Variants in ACOX3 observed in about 807,000 individuals in gnomAD.
ACOX3 encodes peroxisomal acyl-coenzyme A oxidase 3.
Under a neutral mutation model 81.5 loss-of-function variants are expected in ACOX3, and 73 were observed. That is an observed-to-expected ratio of 0.90 (90% CI 0.74 to 1.09). ACOX3 has a LOEUF of 1.09. Among genes scored for constraint, ACOX3 ranks in the 50% least tolerant of loss-of-function variants. The probability of loss-of-function intolerance (pLI) is 0.00; values close to 1 mark genes in which losing one functional copy is unlikely to be tolerated. For synonymous variants in ACOX3, 387 were observed against 375.1 expected (o/e 1.03, Z -0.37); for missense variants, 947 against 928.0 (o/e 1.02, Z -0.27).
intron 15 of ACOX3, chr4:8,373,974 G>T (rs973717630): frequency 2.8e-5 from 10 of 353,262 alleles, no homozygotes; most frequent in Non-Finnish European, 4.8e-5. Flanking sequence ...TGAGGAAGGG[G>T]CTCCTGGGCA....
rs1717700623 is a variant in ACOX3, at chr4:8,381,902, G to C, written c.1538-295C>G. Among the ~76,000 whole-genome samples the C allele has an allele frequency of 6.6e-6, 1 of 152,268 alleles. No homozygotes were observed. The highest frequency in any genetic ancestry group is 2.1e-4 in the South Asian group (1 of 4,838). On this transcript the variant is annotated intron_variant, in intron 13 of 17. Transcript: ENST00000356406. This position sits in a 1 kb window ranked among gnomAD's most constrained non-coding sequence, Gnocchi z 4.3. Reference sequence around the variant, plus strand: ...ACAGGAACACGGTGCCGCCGCTAGAGTGGGCCCCCGAGTGGGACGGCTGCA... The same window carrying C: ...ACAGGAACACGGTGCCGCCGCTAGACTGGGCCCCCGAGTGGGACGGCTGCA...
At chr4:8,403,695 A>C (rs550136664) in intron 7 of ACOX3, among the ~76,000 whole-genome samples, 3 of 152,352 alleles carry the variant, frequency 2.0e-5, no homozygotes, top group Admixed American at 2.0e-4. Context: ...TTAATCATTA[A>C]TGGTTTGATC....
Position 8,375,045 on chromosome 4 carries a change from C to T in ACOX3, c.1761G>A (p.Val587=). ...QPSVPPSLRA[V]LGRLSALYAL... ...CGTACAGAGCACTGAGCCGCCCCAG[C>T]ACGGCCCGCAGCGAGGGCGGCACGG... Residue 587 remains valine, a synonymous_variant, in exon 15 of 18, where the codon GTG becomes GTA. Coordinates refer to ENST00000356406, the MANE Select transcript of ACOX3 (RefSeq NM_003501.3). 2 of 1,554,938 alleles carry T rather than the reference C, an allele frequency of 1.3e-6. No individual in the cohort carries two copies. The highest frequency in any genetic ancestry group is 1.7e-6 in the Non-Finnish European group (2 of 1,149,078).
At chr4:8,401,378 G>A (rs1004476934) in intron 7 of ACOX3, among the ~76,000 whole-genome samples, 3 of 152,076 alleles carry the variant, frequency 2.0e-5, no homozygotes, top group African/African-American at 4.8e-5. Context: ...CGTTTCCTGC[G>A]TGGGCTCTTC....
chr4:8,413,635 C>A (rs1388552030), intron 5 of ACOX3, among the ~76,000 whole-genome samples: 1 of 151,150 alleles, frequency 6.6e-6, no homozygotes, highest in East Asian at 2.0e-4. Flanking sequence ...TCTCCCTCCA[C>A]CCCTCCACCC....
rs561730048 is a variant in ACOX3, at chr4:8,430,982, C to T, written c.-15+9666G>A. Among the ~76,000 whole-genome samples the T allele has an allele frequency of 1.1e-4, 16 of 152,252 alleles. No individual in the cohort carries two copies. The highest frequency in any genetic ancestry group is 3.4e-4 in the African/African-American group (14 of 41,550). ...CAGGCTAAAGGGGAAGAGCTCAGGG[C>T]ATCTGGTGGCCAGTACAGGTAAAAG... On this transcript the variant is annotated intron_variant, in intron 1 of 17. Transcript: ENST00000356406. This position sits in a 1 kb window ranked among gnomAD's most constrained non-coding sequence, Gnocchi z 5.2.
chr4:8,409,679 TG>T (rs1201939764), intron 6 of ACOX3, among the ~76,000 whole-genome samples: 1 of 145,028 alleles, frequency 6.9e-6, no homozygotes, highest in Non-Finnish European at 1.5e-5. Context: ...GTCTGCACTG[TG>T]GGCAGAGCTG....
rs115136976 is a variant in ACOX3, at chr4:8,379,441, C to T, written c.1653+2051G>A. On this transcript the variant is annotated intron_variant, in intron 14 of 17. Coordinates refer to ENST00000356406, the MANE Select transcript of ACOX3 (RefSeq NM_003501.3). The stretch of plus-strand genomic sequence containing the variant: ...CCTTGGGGCTGGTGTCTGTGGGTGT[C>T]TGTCAGCTCCACAGCTCAGCCCAGG... 9.0e-3 allele frequency among the ~76,000 whole-genome samples: 1,371 copies of T among 152,356 alleles called. 7 individuals are homozygous for T. Among genetic ancestry groups the T allele is most frequent in the Non-Finnish European group, 0.014 (971 of 68,036 alleles).
downstream of ACOX3, among the ~76,000 whole-genome samples, chr4:8,362,687 G>A (rs115119005): frequency 6.6e-6 from 1 of 152,166 alleles, no homozygotes; most frequent in South Asian, 2.1e-4. Flanking sequence ...CCTGACCTGT[G>A]GTAAATGAAG....
chr4:8,395,834 GA>G (rs143240848), intron 9 of ACOX3, among the ~76,000 whole-genome samples: 3,077 of 152,334 alleles, frequency 0.02, 111 homozygotes, highest in African/African-American at 0.07. Flanking sequence ...GATGTGGACA[GA>G]AACAACTGCA....
At chr4:8,404,515 T>C (rs1175107387) in intron 7 of ACOX3, among the ~76,000 whole-genome samples, 4 of 151,790 alleles carry the variant, frequency 2.6e-5, no homozygotes, top group Non-Finnish European at 5.9e-5. Flanking sequence ...AAGTTGACAC[T>C]GTATAAAAAT....
chr4:8,404,482 CA>C (rs1257569230), intron 7 of ACOX3, among the ~76,000 whole-genome samples: 1 of 140,540 alleles, frequency 7.1e-6, no homozygotes, highest in East Asian at 2.2e-4. Flanking sequence ...TGCTTTTTAA[CA>C]ATGTCCTTTT....
At chr4:8,439,415 G>A (rs1724454916) in intron 1 of ACOX3, 1 of 152,130 alleles carries the variant, frequency 6.6e-6, no homozygotes, top group Non-Finnish European at 1.5e-5. Flanking sequence ...CAGCCTAGAC[G>A]TTTCTTCATG....
rs1045263721 is a variant in ACOX3 at position 8,389,343 on chromosome 4, C to T, written c.1424-57G>A. ...AGACAGGAACCCAAACCATTGGGAACCCCAAGCTGGGGGCACCCCAAAGCA... is the reference window on the plus strand; with the variant it reads ...AGACAGGAACCCAAACCATTGGGAATCCCAAGCTGGGGGCACCCCAAAGCA... On this transcript the variant is annotated intron_variant, in intron 12 of 17. Transcript: ENST00000356406. The surrounding 1 kb of genome is among the most constrained non-coding windows in gnomAD (Gnocchi z 5.3). The T allele has an allele frequency of 1.2e-5, 18 of 1,532,130 alleles. No homozygotes were observed. Among genetic ancestry groups the T allele is most frequent in the African/African-American group, 9.6e-5 (7 of 73,240 alleles). The allele number at this position is 1,532,130 out of a possible 1,614,324, so 94.9% of individuals were successfully genotyped here. A position where few individuals can be genotyped will look rare whatever the true frequency, so the allele number is the denominator to read the frequency against.
In ACOX3 at chr4:8,385,017, C is replaced by A. The variant is rs931136074; in HGVS notation, c.1538-3410G>T. Among the ~76,000 whole-genome samples, 2 of 152,162 alleles carry A rather than the reference C, an allele frequency of 1.3e-5. No homozygotes were observed. The highest frequency in any genetic ancestry group is 2.1e-4 in the South Asian group (1 of 4,824). Reference sequence around the variant, plus strand: ...GGAAGTGTTCAGGACTGTGGCCCCCCACACGCAGCAGCCCCCCACCGAGGG... The same window carrying A: ...GGAAGTGTTCAGGACTGTGGCCCCCAACACGCAGCAGCCCCCCACCGAGGG... On this transcript the variant is annotated intron_variant, in intron 13 of 17. Coordinates refer to ENST00000356406, the MANE Select transcript of ACOX3 (RefSeq NM_003501.3). The surrounding 1 kb of genome is among the most constrained non-coding windows in gnomAD (Gnocchi z 5.5).
In ACOX3 at chr4:8,394,756, G is replaced by A. The variant is rs1719487836; in HGVS notation, c.1057-14C>T. On this transcript the variant is annotated splice_polypyrimidine_tract_variant and intron_variant, in intron 9 of 17. Transcript: ENST00000356406. This position sits in a 1 kb window ranked among gnomAD's most constrained non-coding sequence, Gnocchi z 5.9. Reference sequence around the variant, plus strand: ...CAAGCGCCATTGCTAGAACAGACAAGACACCTGCGTGAACACATCGTGGTT... The same window carrying A: ...CAAGCGCCATTGCTAGAACAGACAAAACACCTGCGTGAACACATCGTGGTT... 6.2e-7 allele frequency: 1 copy of A among 1,611,332 alleles called. No homozygotes were observed. Among genetic ancestry groups the A allele is most frequent in the Non-Finnish European group, 8.5e-7 (1 of 1,178,634 alleles).
At chr4:8,402,821 C>T (rs572600179) in intron 7 of ACOX3, among the ~76,000 whole-genome samples, 1 of 152,320 alleles carries the variant, frequency 6.6e-6, no homozygotes, top group South Asian at 2.1e-4. Flanking sequence ...AACCCTCACT[C>T]CAATCCCAGA....
In ACOX3 at chr4:8,384,742, A is replaced by G. The variant is rs925292032; in HGVS notation, c.1538-3135T>C. Among the ~76,000 whole-genome samples the G allele has an allele frequency of 6.6e-6, 1 of 152,106 alleles. No homozygotes were observed. Among genetic ancestry groups the G allele is most frequent in the African/African-American group, 2.4e-5 (1 of 41,406 alleles). Reference sequence around the variant, plus strand: ...TGGGTCCAGTCCCCTCTGCGTCAGCATCAGAGCACTCCTAACTCGGATTCT... The same window carrying G: ...TGGGTCCAGTCCCCTCTGCGTCAGCGTCAGAGCACTCCTAACTCGGATTCT... On this transcript the variant is annotated intron_variant, in intron 13 of 17. Transcript: ENST00000356406. The surrounding 1 kb of genome is among the most constrained non-coding windows in gnomAD (Gnocchi z 5.3).
chr4:8,391,129 C>T (rs907455592), intron 11 of ACOX3, among the ~76,000 whole-genome samples: 2 of 152,034 alleles, frequency 1.3e-5, no homozygotes, highest in Admixed American at 1.3e-4. Context: ...GATTCAATTT[C>T]CTTATTCAAC....
Sources: allele counts gnomAD v4.1 joint callset (sites outside exome capture counted in the v4.1 genomes callset), GRCh38; gene constraint gnomAD v4.1.1; non-coding constraint Gnocchi (gnomAD v3.1); transcripts MANE v1.5; gene names NCBI Gene and HGNC (gene_info 2026-07-23, HGNC 2026-07-21).